TRHDE: variants seen among roughly 807,000 people sequenced by gnomAD.
The protein encoded by TRHDE is thyrotropin releasing hormone degrading enzyme.
Under a neutral mutation model 125.7 loss-of-function variants are expected in TRHDE, and 72 were observed. The ratio of observed to expected loss-of-function variants is 0.57; its 90% CI spans 0.47 to 0.70. The LOEUF is 0.70. Ranked by LOEUF, TRHDE falls within the 30% of genes least tolerant of loss-of-function variation. TRHDE has a pLI of 0.00. For synonymous variants in TRHDE, 509 were observed against 509.1 expected (o/e 1.00, Z 0.00); for missense variants, 1,110 against 1,327.1 (o/e 0.84, Z 2.54).
At chr12:72,451,734 C>T (rs901170192) in intron 3 of TRHDE, among the ~76,000 whole-genome samples, 10 of 152,074 alleles carry the variant, frequency 6.6e-5, no homozygotes, top group African/African-American at 2.4e-4. Context: ...GGTAATTTAT[C>T]AATATTTTAA....
At chr12:72,380,766 G>GCTTCCTTCCTTCCTTCCTTGCTTCCTTC in intron 3 of TRHDE, among the ~76,000 whole-genome samples, 3 of 71,068 alleles carry the variant, frequency 4.2e-5, no homozygotes, top group South Asian at 1.3e-3. Flanking sequence ...TTCCTTCCTT[G>GCTTCCTTCCTTCCTTCCTTGCTTCCTTC]CTTCCTTCCT....
At chr12:72,515,024 A>G (rs1389648017) in intron 6 of TRHDE, among the ~76,000 whole-genome samples, 1 of 144,656 alleles carries the variant, frequency 6.9e-6, no homozygotes, top group Non-Finnish European at 1.5e-5. Flanking sequence ...CATTTTCTTA[A>G]TCCAGTCTAT....
chr12:72,607,199 G>A (rs10784978), intron 12 of TRHDE, among the ~76,000 whole-genome samples: 64,585 of 151,858 alleles, frequency 0.43, 15,478 homozygotes, highest in African/African-American at 0.65. Context: ...AATTGCATCC[G>A]CACTGTGCAC....
intron 2 of TRHDE, among the ~76,000 whole-genome samples, chr12:72,131,696 T>TG (rs1375709478): frequency 1.3e-5 from 2 of 152,242 alleles, no homozygotes; most frequent in African/African-American, 4.8e-5. Context: ...TGCCAGGCTC[T>TG]GCTCCATATC....
intron 2 of TRHDE, among the ~76,000 whole-genome samples, chr12:72,288,526 C>T (rs949819142): frequency 6.6e-6 from 1 of 152,044 alleles, no homozygotes; most frequent in African/African-American, 2.4e-5. Flanking sequence ...TCATTGATGT[C>T]TTCTATGGGC....
At chr12:72,453,025 C>T (rs1345550706) in intron 3 of TRHDE, among the ~76,000 whole-genome samples, 2 of 152,166 alleles carry the variant, frequency 1.3e-5, no homozygotes, top group Non-Finnish European at 2.9e-5. Context: ...AGCAGTGGGG[C>T]ATTGCTATAG....
chr12:72,559,389 A>G (rs923439950), intron 7 of TRHDE, among the ~76,000 whole-genome samples: 2 of 152,190 alleles, frequency 1.3e-5, no homozygotes, highest in Admixed American at 1.3e-4. Context: ...ATAGCTAGTG[A>G]ATGTTGGACC....
chr12:72,521,993 T>C (rs1416976680), intron 6 of TRHDE, among the ~76,000 whole-genome samples: 2 of 152,246 alleles, frequency 1.3e-5, no homozygotes, highest in African/African-American at 2.4e-5. Context: ...TCAGTTAACA[T>C]GTATATAATA....
intron 2 of TRHDE, among the ~76,000 whole-genome samples, chr12:72,206,132 G>A (rs563289971): frequency 2.7e-5 from 4 of 150,896 alleles, no homozygotes; most frequent in Non-Finnish European, 5.9e-5. Context: ...TGTCATGCAG[G>A]CTGGAGTGCA....
chr12:72,194,151 C>T (rs934714388), intron 2 of TRHDE, among the ~76,000 whole-genome samples: 9 of 151,998 alleles, frequency 5.9e-5, no homozygotes, highest in South Asian at 2.1e-4. Context: ...CTTTCTTTCT[C>T]TTTAATTACT....
intron 2 of TRHDE, among the ~76,000 whole-genome samples, chr12:72,313,560 A>G (rs1868649265): frequency 1.3e-5 from 2 of 152,146 alleles, no homozygotes; most frequent in African/African-American, 4.8e-5. Context: ...TGTTGACACC[A>G]AACTCTGCAC....
intron 2 of TRHDE, among the ~76,000 whole-genome samples, chr12:72,166,884 T>G (rs1246153835): frequency 1.3e-5 from 2 of 149,534 alleles, no homozygotes; most frequent in East Asian, 3.9e-4. Flanking sequence ...TTGCCTAGAA[T>G]GGAAGAATAA....
At chr12:72,293,659 G>A (rs888796780) in intron 2 of TRHDE, among the ~76,000 whole-genome samples, 2 of 152,170 alleles carry the variant, frequency 1.3e-5, no homozygotes, top group South Asian at 4.1e-4. Flanking sequence ...GCCCTGGCTT[G>A]AGTCAATGAT....
At chr12:72,471,879 CTT>C (rs34286678) in intron 4 of TRHDE, among the ~76,000 whole-genome samples, 10,923 of 152,148 alleles carry the variant, frequency 0.072, 437 homozygotes, top group Admixed American at 0.12. Context: ...TTTCTGGACT[CTT>C]TCATGCTTTC....
intron 2 of TRHDE, among the ~76,000 whole-genome samples, chr12:72,166,722 A>T (rs1876757687): frequency 6.6e-6 from 1 of 152,212 alleles, no homozygotes; most frequent in Admixed American, 6.5e-5. Context: ...CAAATCCTGT[A>T]TAAAGATGAT....
intron 5 of TRHDE, among the ~76,000 whole-genome samples, chr12:72,489,667 TAC>T (rs1221951008): frequency 6.6e-6 from 1 of 151,836 alleles, no homozygotes; most frequent in Non-Finnish European, 1.5e-5. Flanking sequence ...TGGAAAAGAA[TAC>T]AGAGTCCAGA....
At chr12:72,363,014 G>A (rs1250853284) in intron 2 of TRHDE, among the ~76,000 whole-genome samples, 1 of 151,714 alleles carries the variant, frequency 6.6e-6, no homozygotes, top group Admixed American at 6.6e-5. Flanking sequence ...CTCCAGCTTT[G>A]TTCTTTTGGC....
intron 2 of TRHDE, among the ~76,000 whole-genome samples, chr12:72,203,135 A>G (rs1173725426): frequency 6.6e-6 from 1 of 151,976 alleles, no homozygotes; most frequent in East Asian, 1.9e-4. Flanking sequence ...GAGAAAGAGA[A>G]AGAGAGATAG....
chr12:72,306,779 A>G (rs190288755), intron 2 of TRHDE: 3 of 152,300 alleles, frequency 2.0e-5, no homozygotes, highest in Non-Finnish European at 4.4e-5. Context: ...TATACAATAT[A>G]TAAAATGGTG....
Sources: gnomAD v4.1 joint callset for allele counts (sites outside exome capture counted in the v4.1 genomes callset) on GRCh38, gnomAD v4.1.1 for gene constraint, MANE v1.5 for transcripts, NCBI Gene and HGNC (gene_info 2026-07-23, HGNC 2026-07-21) for gene names.